DNAH9: variants seen among roughly 807,000 people sequenced by gnomAD.
DNAH9 encodes the protein DNAH9 variant protein.
In DNAH9, 345 loss-of-function variants were observed where a neutral mutation model predicts 471.6. That is an observed-to-expected ratio of 0.73 (90% CI 0.67 to 0.80). The LOEUF (loss-of-function observed/expected upper bound fraction) is 0.80. DNAH9 is among the 30% of genes least tolerant of loss of function. The probability of loss-of-function intolerance (pLI) is 0.00; values close to 1 mark genes in which losing one functional copy is unlikely to be tolerated. For synonymous variants in DNAH9, 2,093 were observed against 2,123.6 expected, an observed-to-expected ratio of 0.99 and a Z score of 0.40; for missense variants, 5,407 against 5,609.2, an observed-to-expected ratio of 0.96 and a Z score of 1.15.
chr17:11,643,282 G>A (rs569212340), intron 10 of DNAH9, among the ~76,000 whole-genome samples: 16 of 152,278 alleles, frequency 1.1e-4, no homozygotes, highest in South Asian at 8.3e-4. Flanking sequence ...TTATATGTAC[G>A]TCCATGTGCA....
chr17:11,736,292 T>G (rs569576885), intron 28 of DNAH9, among the ~76,000 whole-genome samples: 6 of 152,344 alleles, frequency 3.9e-5, no homozygotes, highest in Admixed American at 6.5e-5. Context: ...TTATTATTTT[T>G]TGTTATTCAC....
chr17:11,636,284 A>T (rs1460572170), intron 8 of DNAH9, among the ~76,000 whole-genome samples: 1 of 152,160 alleles, frequency 6.6e-6, no homozygotes, highest in African/African-American at 2.4e-5. Context: ...AATTACAGGC[A>T]TGAGCCACCG....
intron 31 of DNAH9, 106 bp downstream of exon 31, chr17:11,745,190 T>C (rs988612419): frequency 2.2e-6 from 2 of 928,570 alleles, no homozygotes; most frequent in East Asian, 2.4e-5. Flanking sequence ...GATGTACAAA[T>C]ATGTATCTAG....
At chr17:11,687,142 C>T (rs1332045981) in intron 19 of DNAH9, among the ~76,000 whole-genome samples, 4 of 152,080 alleles carry the variant, frequency 2.6e-5, no homozygotes, top group Admixed American at 2.6e-4. Context: ...AGACAGGGCC[C>T]TTTTCAACTC....
chr17:11,877,157 T>G (rs1298478414), intron 53 of DNAH9, among the ~76,000 whole-genome samples: 1 of 151,256 alleles, frequency 6.6e-6, no homozygotes, highest in African/African-American at 2.4e-5. Context: ...TTAAATATAT[T>G]AATTAATAAA....
chr17:11,780,647 C>T (rs1968632229), intron 38 of DNAH9, among the ~76,000 whole-genome samples: 1 of 152,168 alleles, frequency 6.6e-6, no homozygotes, highest in African/African-American at 2.4e-5. Flanking sequence ...GGTTTGTATC[C>T]AGCCAGTAAA....
chr17:11,638,301 G>A (rs2150682136), intron 9 of DNAH9, among the ~76,000 whole-genome samples: 1 of 152,260 alleles, frequency 6.6e-6, no homozygotes, highest in East Asian at 1.9e-4. Flanking sequence ...TACAGAGTTT[G>A]AAAACTCAAA....
intron 6 of DNAH9, among the ~76,000 whole-genome samples, chr17:11,621,924 AC>A (rs1239588344): frequency 1.7e-3 from 6 of 3,534 alleles, no homozygotes; most frequent in African/African-American, 2.1e-3. Context: ...TACTAAAAAT[AC>A]AAAAAAAAAA....
chr17:11,817,493 G>T (rs1201205900), intron 45 of DNAH9, among the ~76,000 whole-genome samples: 2 of 152,250 alleles, frequency 1.3e-5, no homozygotes, highest in East Asian at 3.9e-4. Context: ...TTTAGGCTTT[G>T]CATATCATAC....
rs371055159 is a variant in DNAH9 at position 11,604,055 on chromosome 17, C to T, written c.418-4074C>T. Among the ~76,000 whole-genome samples, 638 of 151,336 alleles carry T rather than the reference C, an allele frequency of 4.2e-3. 1 individual carries two copies. The highest frequency in any genetic ancestry group is 0.015 in the African/African-American group (614 of 41,172). On this transcript the variant is annotated intron_variant, in intron 1 of 68. Transcript: ENST00000262442. ...TTTTTTTTTTTGAGATGAAGTCTCG[C>T]ACTGTCACCCAGGCTGGAGTGCAGT...
rs574847020 is a variant in DNAH9, at chr17:11,910,079, C to T, written c.11749+4270C>T. Among the ~76,000 whole-genome samples the T allele has an allele frequency of 2.6e-5, 4 of 152,112 alleles. No homozygotes were observed. In the South Asian group the frequency reaches 6.2e-4, roughly 24 times the overall value. ...GACCATCCTGGCTAACACGGTGAAACCCTGTCTCTACTAAAAATACAAAAA... is the reference window on the plus strand; with the variant it reads ...GACCATCCTGGCTAACACGGTGAAATCCTGTCTCTACTAAAAATACAAAAA... On this transcript the variant is annotated intron_variant, in intron 61 of 68. Coordinates refer to ENST00000262442, the MANE Select transcript of DNAH9 (RefSeq NM_001372.4).
intron 14 of DNAH9, among the ~76,000 whole-genome samples, chr17:11,654,003 T>C (rs2073569706): frequency 6.6e-6 from 1 of 152,118 alleles, no homozygotes; most frequent in Admixed American, 6.6e-5. Flanking sequence ...TAGTCCCCGC[T>C]TTGAGGTAGA....
intron 63 of DNAH9, 147 bp from the exon 64 acceptor site, chr17:11,931,867 C>A: frequency 1.2e-6 from 1 of 851,108 alleles, no homozygotes; most frequent in Non-Finnish European, 1.9e-6. Flanking sequence ...ACACGTTCCC[C>A]CCAGGCTGTA....
chr17:11,756,516 G>T, intron 33 of DNAH9, 52 bp from the exon 34 acceptor site: 1 of 1,028,758 alleles, frequency 9.7e-7, no homozygotes, highest in Non-Finnish European at 1.5e-6. Context: ...CCACAGGCTG[G>T]CAAGGCACCT....
At chr17:11,642,113 C>T (rs1032639005) in intron 10 of DNAH9, among the ~76,000 whole-genome samples, 3 of 151,980 alleles carry the variant, frequency 2.0e-5, no homozygotes, top group East Asian at 1.9e-4. Flanking sequence ...GGGGACAGGG[C>T]GAGGCAGGGG....
In DNAH9 at chr17:11,652,436, C is replaced by A. The variant is rs1372282188; in HGVS notation, c.2354-325C>A. 3.9e-5 allele frequency among the ~76,000 whole-genome samples: 6 copies of A among 151,918 alleles called. No homozygotes were observed. In the East Asian group the frequency reaches 1.2e-3, roughly 29 times the overall value. On this transcript the variant is annotated intron_variant, in intron 13 of 68. Transcript: ENST00000262442. ...GAGTAGCTGGGACTACAGGCACCCA[C>A]CACCCCACCCAGCTAATTTTTTGTA...
intron 67 of DNAH9, among the ~76,000 whole-genome samples, chr17:11,943,832 G>A (rs1009735616): frequency 1.3e-5 from 2 of 152,196 alleles, no homozygotes; most frequent in Non-Finnish European, 2.9e-5. Flanking sequence ...GTTTGGTAAC[G>A]TTTCCAAATT....
chr17:11,689,660 A>G lies in DNAH9; in HGVS notation c.3838A>G (p.Ser1280Gly). ...TATGGCCTCCATTTCTGAGTCTGCC[A>G]GCTTATTTGAAGTCAATGTCCCTGA... Reference protein sequence around the residue: ...STMASISESASLFEVNVPDYK... With the variant: ...STMASISESAGLFEVNVPDYK... The change falls in exon 20 of 69, where the codon AGC becomes GGC. Residue 1280 changes from serine to glycine, a missense_variant. Around this residue, in one of 3 missense-constraint regions of DNAH9, gnomAD observed 4,636 missense variants for 4,900.3 expected, o/e 0.95. Coordinates refer to ENST00000262442, the MANE Select transcript of DNAH9 (RefSeq NM_001372.4). 1 of 1,614,158 alleles carries G rather than the reference A, an allele frequency of 6.2e-7. No individual in the cohort carries two copies. The highest frequency in any genetic ancestry group is 8.5e-7 in the Non-Finnish European group (1 of 1,180,006).
chr17:11,739,249 G>A (rs1431074130), intron 29 of DNAH9, among the ~76,000 whole-genome samples: 3 of 152,088 alleles, frequency 2.0e-5, no homozygotes, highest in South Asian at 2.1e-4. Context: ...AAATCCATAC[G>A]TTGGTAGCCT....
Sources: gnomAD v4.1 joint callset for allele counts (sites outside exome capture counted in the v4.1 genomes callset) on GRCh38, gnomAD v4.1.1 for gene constraint, gnomAD v4.1.1 regional missense constraint, MANE v1.5 for transcripts, NCBI Gene and HGNC (gene_info 2026-07-23, HGNC 2026-07-21) for gene names.